Variants in TTC21B observed in about 807,000 individuals in gnomAD.
TTC21B encodes the protein tetratricopeptide repeat protein 21B.
Under a neutral mutation model 175.1 loss-of-function variants are expected in TTC21B, and 127 were observed. The observed-to-expected ratio is 0.73, with a 90% CI of 0.63 to 0.84. TTC21B has a LOEUF of 0.84. Ranked by LOEUF, TTC21B falls within the 40% of genes least tolerant of loss-of-function variation. The pLI, the probability that TTC21B is intolerant of heterozygous loss-of-function variation, is 0.00. For synonymous variants in TTC21B, 524 were observed against 524.5 expected (o/e 1.00, Z 0.01); for missense variants, 1,561 against 1,558.3 (o/e 1.00, Z -0.03).
chr2:165,891,778 A>AT lies in TTC21B; in HGVS notation c.2951-791_2951-790insA, dbSNP rs1274181585. 1.3e-4 allele frequency among the ~76,000 whole-genome samples: 15 copies of AT among 115,910 alleles called. No homozygotes were observed. In the East Asian group the frequency reaches 3.8e-3, roughly 30 times the overall value. 76.0% of individuals were successfully genotyped at this position (115,910 alleles called of 152,430 possible). On this transcript the variant is annotated intron_variant, in intron 22 of 28. Coordinates refer to ENST00000243344, the MANE Select transcript of TTC21B (RefSeq NM_024753.5). ...GTATAGACACTACAGAAAATAAGGAAAATATATATAAAAAGTATGAAGAAA... is the reference window on the plus strand; with the variant it reads ...GTATAGACACTACAGAAAATAAGGAATAATATATATAAAAAGTATGAAGAAA...
Position 165,888,292 on chromosome 2 carries a change from A to AAC in TTC21B, c.3445_3446insGT (p.Ile1149SerfsTer2). 6.2e-7 allele frequency: 1 copy of AAC among 1,612,996 alleles called. No homozygotes were observed. Among genetic ancestry groups the AAC allele is most frequent in the Non-Finnish European group, 8.5e-7 (1 of 1,179,016 alleles). Reference sequence around the variant, plus strand: ...AAATCCACTAACCTCAGATGCTGCTATTTCAGTGAAGGTATTTAATGCTTG... The same window carrying AAC: ...AAATCCACTAACCTCAGATGCTGCTAACTTTCAGTGAAGGTATTTAATGCTTG... On this transcript the variant is annotated frameshift_variant, in exon 25 of 29. Coordinates refer to ENST00000243344, the MANE Select transcript of TTC21B (RefSeq NM_024753.5). LOFTEE classifies it high-confidence loss of function.
At chr2:165,879,349 C>T (rs950325110) in intron 27 of TTC21B, among the ~76,000 whole-genome samples, 3 of 152,150 alleles carry the variant, frequency 2.0e-5, no homozygotes, top group Non-Finnish European at 4.4e-5. Context: ...TGACTTTATT[C>T]TGAAAGATAT....
chr2:165,873,689 T>C lies in TTC21B; in HGVS notation c.*1066A>G, dbSNP rs1684578592. The C allele has an allele frequency of 6.6e-6, 1 of 152,182 alleles. No homozygotes were observed. Among genetic ancestry groups the C allele is most frequent in the Admixed American group, 6.5e-5 (1 of 15,270 alleles). The allele number at this position is 152,182 out of a possible 1,614,324, so 9.4% of individuals were successfully genotyped here. Reference sequence around the variant, plus strand: ...CTTCTAGGCTAAGGTTAAATATCCCTAATAAGGGACCTATTTAAATTGAGG... The same window carrying C: ...CTTCTAGGCTAAGGTTAAATATCCCCAATAAGGGACCTATTTAAATTGAGG... On this transcript the variant is annotated 3_prime_UTR_variant, in exon 29 of 29. Transcript: ENST00000243344.
chr2:165,899,828 C>A lies in TTC21B; in HGVS notation c.2810G>T (p.Cys937Phe), dbSNP rs184561530. 68 of 1,613,978 alleles carry A rather than the reference C, an allele frequency of 4.2e-5. No individual in the cohort carries two copies. The highest frequency in any genetic ancestry group is 5.1e-5 in the Non-Finnish European group (60 of 1,179,966). ...LYLAQDDPDS[C>F]LRQCALLLQS... ...AAGCAGTAGAGCACACTGCCGCAGG[C>A]AGGAATCAGGGTCATCTTGTGCCAG... The change falls in exon 21 of 29, where the codon TGC becomes TTC. Residue 937 changes from cysteine to phenylalanine, a missense_variant. Coordinates refer to ENST00000243344, the MANE Select transcript of TTC21B (RefSeq NM_024753.5).
In TTC21B at chr2:165,919,321, T is replaced by G; in HGVS notation, c.1629A>C (p.Lys543Asn). Residue 543 changes from lysine (K) to asparagine (N), a missense_variant, in exon 13 of 29, where the codon AAA becomes AAC. Lys to Asn is a moderately conservative substitution (Grantham distance 94). Coordinates refer to ENST00000243344, the MANE Select transcript of TTC21B (RefSeq NM_024753.5). Reference sequence around the variant, plus strand: ...AAAGTTCAAGAGACTGAGAACACAATTTGACTTTTTCTTGAGACAAGTAAA... The same window carrying G: ...AAAGTTCAAGAGACTGAGAACACAAGTTGACTTTTTCTTGAGACAAGTAAA... ...AQVYLSQEKV[K>N]LCSQSLELCL... 1.2e-6 allele frequency: 2 copies of G among 1,614,088 alleles called. No individual in the cohort carries two copies. The highest frequency in any genetic ancestry group is 1.7e-6 in the Non-Finnish European group (2 of 1,179,994).
intron 11 of TTC21B, chr2:165,928,921 A>G: frequency 1.9e-6 from 1 of 538,928 alleles, no homozygotes; most frequent in South Asian, 2.1e-5. Flanking sequence ...AGATTTTATG[A>G]AATACAAATG....
At chr2:165,928,480 G>A (rs1439307901) in intron 11 of TTC21B, among the ~76,000 whole-genome samples, 7 of 151,978 alleles carry the variant, frequency 4.6e-5, no homozygotes, top group Non-Finnish European at 1.5e-5. Flanking sequence ...CTTAATGAGA[G>A]GCACAGACAA....
intron 22 of TTC21B, among the ~76,000 whole-genome samples, chr2:165,893,248 A>C (rs1488212584): frequency 6.6e-6 from 1 of 152,214 alleles, no homozygotes; most frequent in Non-Finnish European, 1.5e-5. Context: ...TGTTATTAAT[A>C]ATATTTATAC....
intron 19 of TTC21B, among the ~76,000 whole-genome samples, chr2:165,905,164 T>C (rs1685686143): frequency 1.3e-5 from 2 of 151,794 alleles, no homozygotes; most frequent in African/African-American, 4.8e-5. Context: ...GATAGAATAA[T>C]AGAATTTGGA....
chr2:165,904,830 T>C (rs1274844944), intron 19 of TTC21B, among the ~76,000 whole-genome samples: 1 of 152,168 alleles, frequency 6.6e-6, no homozygotes, highest in Non-Finnish European at 1.5e-5. Context: ...ATTAAGAAGG[T>C]AAGTGATGAT....
intron 25 of TTC21B, among the ~76,000 whole-genome samples, chr2:165,887,682 C>T (rs568871249): frequency 3.3e-5 from 5 of 149,876 alleles, no homozygotes; most frequent in Admixed American, 6.6e-5. Context: ...AGCAAAACTC[C>T]GACTCAAAAA....
Position 165,874,687 on chromosome 2 carries a change from A to T in TTC21B, c.*68T>A. ...AAGCACTGAGCTCAAACCTGTTTTG[A>T]ACAGGAAGAACTGAAAGTTAGATTT... On this transcript the variant is annotated 3_prime_UTR_variant, in exon 29 of 29. Transcript: ENST00000243344. 3 of 1,450,918 alleles carry T rather than the reference A, an allele frequency of 2.1e-6. No individual in the cohort carries two copies. In the South Asian group the frequency reaches 3.4e-5, roughly 17 times the overall value. 89.9% of individuals were successfully genotyped at this position (1,450,918 alleles called of 1,614,324 possible).
intron 14 of TTC21B, 94 bp from the exon 15 acceptor site, chr2:165,915,533 G>T: frequency 2.0e-6 from 2 of 989,894 alleles, no homozygotes; most frequent in East Asian, 2.4e-5. Flanking sequence ...ATGAATAAAT[G>T]CTAGTACATT....
At chr2:165,911,279 A>T (rs766717871) in intron 18 of TTC21B, 48 bp downstream of exon 18, 27 of 1,608,588 alleles carry the variant, frequency 1.7e-5, no homozygotes, top group Non-Finnish European at 2.1e-5. Context: ...TAAAAATAAA[A>T]TGGATCAGAG....
chr2:165,877,521 T>G (rs142940139), intron 27 of TTC21B, among the ~76,000 whole-genome samples: 1 of 152,208 alleles, frequency 6.6e-6, no homozygotes, highest in South Asian at 2.1e-4. Context: ...TGTACAGGTA[T>G]GTAGCCTAGG....
intron 6 of TTC21B, among the ~76,000 whole-genome samples, chr2:165,939,851 C>T (rs959738009): frequency 1.3e-5 from 2 of 152,170 alleles, no homozygotes; most frequent in African/African-American, 4.8e-5. Context: ...AGAGCACAGA[C>T]TCTGGGACTA....
At position 165,901,870 on chromosome 2, in the gene TTC21B, A is replaced by C; in HGVS notation, c.2609T>G (p.Met870Arg). Reference sequence around the variant, plus strand: ...TGCAGGAACTGCATCTGGCTGTTCCATCTGAACACGTTTTAGTACCCGAGC... The same window carrying C: ...TGCAGGAACTGCATCTGGCTGTTCCCTCTGAACACGTTTTAGTACCCGAGC... ...LQARVLKRVQ[M>R]EQPDAVPAQK... Residue 870 changes from methionine (M) to arginine (R), a missense_variant, in exon 20 of 29, where the codon ATG becomes AGG. Met to Arg is a moderately conservative substitution (Grantham distance 91). Coordinates refer to ENST00000243344, the MANE Select transcript of TTC21B (RefSeq NM_024753.5). The C allele has an allele frequency of 6.2e-7, 1 of 1,614,076 alleles. No individual in the cohort carries two copies. The highest frequency in any genetic ancestry group is 8.5e-7 in the Non-Finnish European group (1 of 1,179,984).
At chr2:165,919,739 G>A (rs1232431083) in intron 12 of TTC21B, among the ~76,000 whole-genome samples, 1 of 151,894 alleles carries the variant, frequency 6.6e-6, no homozygotes, top group East Asian at 1.9e-4. Context: ...TATTTTCCTT[G>A]TCAAAAAAAG....
chr2:165,940,229 G>A (rs574380046), intron 6 of TTC21B, among the ~76,000 whole-genome samples: 1 of 152,102 alleles, frequency 6.6e-6, no homozygotes, highest in Non-Finnish European at 1.5e-5. Flanking sequence ...CTCAATGATG[G>A]CAACAGCTTT....
Sources: allele counts gnomAD v4.1 joint callset (sites outside exome capture counted in the v4.1 genomes callset), GRCh38; gene constraint gnomAD v4.1.1; transcripts MANE v1.5; gene names NCBI Gene and HGNC (gene_info 2026-07-23, HGNC 2026-07-21).